Variants in CENPC observed in about 807,000 individuals in gnomAD.
CENPC encodes centromere protein C, also known as CENP-C 1.
In CENPC, 63 loss-of-function variants were observed where a neutral mutation model predicts 112.1. The ratio of observed to expected loss-of-function variants is 0.56; its 90% CI spans 0.46 to 0.69. The LOEUF (loss-of-function observed/expected upper bound fraction) is 0.69, where lower values mean the gene tolerates loss of function less well. Ranked by LOEUF, CENPC falls within the 30% of genes least tolerant of loss-of-function variation. The pLI is 0.00. For synonymous variants in CENPC, 333 were observed against 367.6 expected (o/e 0.91, Z 1.08); for missense variants, 1,000 against 1,103.8 (o/e 0.91, Z 1.33).
chr4:67,491,446 C>G (rs187149), intron 16 of CENPC, among the ~76,000 whole-genome samples: 2,758 of 36,430 alleles, frequency 0.076, 340 homozygotes, highest in East Asian at 0.32. Context: ...TTAAATATTT[C>G]ATATATATAT....
chr4:67,507,820 C>T (rs998120388), intron 10 of CENPC, among the ~76,000 whole-genome samples: 1 of 152,008 alleles, frequency 6.6e-6, no homozygotes, highest in Non-Finnish European at 1.5e-5. Flanking sequence ...AACCCCTCAA[C>T]AAAATACTAG....
chr4:67,520,318 G>C (rs537868384), intron 5 of CENPC, among the ~76,000 whole-genome samples: 21 of 152,168 alleles, frequency 1.4e-4, no homozygotes, highest in South Asian at 2.1e-4. Context: ...ATAGATGGCA[G>C]GCGGTATGAC....
At chr4:67,480,162 A>G (rs1486855815) in intron 17 of CENPC, among the ~76,000 whole-genome samples, 1 of 152,196 alleles carries the variant, frequency 6.6e-6, no homozygotes, top group Non-Finnish European at 1.5e-5. Context: ...TCTACTAAAA[A>G]TACAAAATTA....
chr4:67,484,216 C>T (rs1029620592), intron 17 of CENPC, among the ~76,000 whole-genome samples: 2 of 152,192 alleles, frequency 1.3e-5, no homozygotes, highest in Non-Finnish European at 2.9e-5. Flanking sequence ...CACAGAAACA[C>T]GCTGTACAGG....
At chr4:67,510,922 G>T in intron 9 of CENPC, 2 of 437,408 alleles carry the variant, frequency 4.6e-6, no homozygotes, top group African/African-American at 2.0e-5. Flanking sequence ...AGTGTTTTTT[G>T]ATAGTTTCAG....
intron 18 of CENPC, 135 bp from the exon 19 acceptor site, chr4:67,472,810 AT>A (rs1179609085): frequency 1.9e-6 from 2 of 1,045,428 alleles, no homozygotes. Context: ...AAAGTAACTT[AT>A]TTAATTCCAT....
At chr4:67,500,197 C>T (rs1371912432) in intron 12 of CENPC, among the ~76,000 whole-genome samples, 1 of 151,860 alleles carries the variant, frequency 6.6e-6, no homozygotes, top group Non-Finnish European at 1.5e-5. Flanking sequence ...ATAAGGCTTA[C>T]TCAACAAAGG....
chr4:67,475,993 T>C (rs529241160), intron 17 of CENPC, among the ~76,000 whole-genome samples: 2 of 152,332 alleles, frequency 1.3e-5, no homozygotes, highest in African/African-American at 4.8e-5. Flanking sequence ...AAGGTTACAA[T>C]GGCATTTAAA....
chr4:67,511,046 C>T (rs1009651772), intron 9 of CENPC: 5 of 455,958 alleles, frequency 1.1e-5, no homozygotes, highest in Non-Finnish European at 2.2e-5. Context: ...AAAGTGAGTT[C>T]CCCAAAGCAG....
At chr4:67,488,552 T>C (rs1349830807) in intron 17 of CENPC, among the ~76,000 whole-genome samples, 1 of 151,992 alleles carries the variant, frequency 6.6e-6, no homozygotes, top group African/African-American at 2.4e-5. Flanking sequence ...TAAAGTGTCA[T>C]TTGGATTTAA....
chr4:67,518,114 TA>T, intron 7 of CENPC, 41 bp downstream of exon 7: 1 of 1,115,310 alleles, frequency 9.0e-7, no homozygotes, highest in Non-Finnish European at 1.3e-6. Context: ...TCATAGAATA[TA>T]AAAGAAAAAT....
rs1334738361 is a variant in CENPC at position 67,503,886 on chromosome 4, A to G, written c.2131+1319T>C. The stretch of plus-strand genomic sequence containing the variant: ...GAAAATACTAAAAGAACAAAATAAA[A>G]CACAACTTCTTAGAATAACAGCAAA... On this transcript the variant is annotated intron_variant, in intron 12 of 18. Transcript: ENST00000273853. Among the ~76,000 whole-genome samples, 7 of 152,064 alleles carry G rather than the reference A, an allele frequency of 4.6e-5. No individual in the cohort carries two copies. In the East Asian group the frequency reaches 1.3e-3, roughly 29 times the overall value.
chr4:67,512,033 T>C (rs1417878075), intron 9 of CENPC: 1 of 165,328 alleles, frequency 6.0e-6, no homozygotes, highest in African/African-American at 2.4e-5. Flanking sequence ...TAATAAACTA[T>C]AATCTTTTAG....
rs924085574 is a variant in CENPC, at chr4:67,545,481, C to T, written c.-126G>A. On this transcript the variant is annotated 5_prime_UTR_variant, in exon 1 of 19. Coordinates refer to ENST00000273853, the MANE Select transcript of CENPC (RefSeq NM_001812.4). Reference sequence around the variant, plus strand: ...CCGCGGCCAAGCAATAACCTTAAGTCTCAGGCGACTGCCGCGAGAGCTGCG... The same window carrying T: ...CCGCGGCCAAGCAATAACCTTAAGTTTCAGGCGACTGCCGCGAGAGCTGCG... 5.3e-6 allele frequency: 5 copies of T among 941,406 alleles called. No homozygotes were observed. Among genetic ancestry groups the T allele is most frequent in the Non-Finnish European group, 7.2e-6 (5 of 690,048 alleles). 58.3% of individuals were successfully genotyped at this position (941,406 alleles called of 1,614,324 possible). A position where few individuals can be genotyped will look rare whatever the true frequency, so the allele number is the denominator to read the frequency against.
chr4:67,491,445 T>TGAGA (rs1560423071), intron 16 of CENPC, among the ~76,000 whole-genome samples: 1 of 64,178 alleles, frequency 1.6e-5, no homozygotes, highest in African/African-American at 5.9e-5. Context: ...TTTAAATATT[T>TGAGA]CATATATATA....
chr4:67,524,171 C>A (rs563829266), intron 5 of CENPC, among the ~76,000 whole-genome samples: 1 of 151,934 alleles, frequency 6.6e-6, no homozygotes, highest in East Asian at 1.9e-4. Context: ...TAAGAAGACA[C>A]CAACCATCAA....
intron 5 of CENPC, among the ~76,000 whole-genome samples, chr4:67,521,229 A>C (rs1272211621): frequency 5.3e-5 from 8 of 151,002 alleles, no homozygotes; most frequent in Non-Finnish European, 1.0e-4. Flanking sequence ...GTAAGAAATA[A>C]TGATCAATAG....
intron 4 of CENPC, among the ~76,000 whole-genome samples, chr4:67,531,425 C>T (rs1189582459): frequency 1.3e-5 from 2 of 152,196 alleles, no homozygotes; most frequent in East Asian, 3.8e-4. Context: ...GACCAGCTTA[C>T]AGGGCTACCC....
chr4:67,488,525 C>T (rs1725152557), intron 17 of CENPC, among the ~76,000 whole-genome samples: 1 of 151,908 alleles, frequency 6.6e-6, no homozygotes, highest in African/African-American at 2.4e-5. Context: ...TAATAATTTC[C>T]ATTAACTCAG....
Sources: allele counts gnomAD v4.1 joint callset (sites outside exome capture counted in the v4.1 genomes callset), GRCh38; gene constraint gnomAD v4.1.1; transcripts MANE v1.5; gene names NCBI Gene and HGNC (gene_info 2026-07-23, HGNC 2026-07-21).